PCDHA13: variants seen among roughly 807,000 people sequenced by gnomAD.
PCDHA13 encodes protocadherin alpha 13.
In PCDHA13, 54 loss-of-function variants were observed where a neutral mutation model predicts 64.8. The observed-to-expected ratio is 0.83, with a 90% confidence interval of 0.67 to 1.04. The LOEUF is 1.04. Ranked by LOEUF, PCDHA13 falls within the 50% of genes least tolerant of loss-of-function variation. PCDHA13 has a pLI of 0.00. For synonymous variants in PCDHA13, 587 were observed against 564.4 expected, an observed-to-expected ratio of 1.04 and a Z score of -0.57; for missense variants, 1,248 against 1,254.3, an observed-to-expected ratio of 0.99 and a Z score of 0.08.
chr5:140,961,638 A>G (rs1428621389), intron 1 of PCDHA13, among the ~76,000 whole-genome samples: 1 of 152,200 alleles, frequency 6.6e-6, no homozygotes, highest in Non-Finnish European at 1.5e-5. Flanking sequence ...AACAATCTTA[A>G]GTCTATGTGG....
chr5:141,008,430 GC>G (rs1252417058), intron 3 of PCDHA13, among the ~76,000 whole-genome samples: 2 of 152,260 alleles, frequency 1.3e-5, no homozygotes, highest in African/African-American at 4.8e-5. Context: ...GGATCACTTT[GC>G]CCAGACAGAC....
At chr5:140,982,022 G>T (rs2096962811) in intron 2 of PCDHA13, among the ~76,000 whole-genome samples, 1 of 152,168 alleles carries the variant, frequency 6.6e-6, no homozygotes, top group African/African-American at 2.4e-5. Context: ...AGCCAAATTG[G>T]AACAATACTC....
chr5:140,968,608 T>A, intron 1 of PCDHA13: 1 of 1,614,242 alleles, frequency 6.2e-7, no homozygotes, highest in Non-Finnish European at 8.5e-7. Flanking sequence ...ACTCAGACTC[T>A]GGGCAAAATG....
intron 1 of PCDHA13, among the ~76,000 whole-genome samples, chr5:140,965,161 G>A (rs151157194): frequency 1.5e-4 from 23 of 152,334 alleles, no homozygotes; most frequent in African/African-American, 5.5e-4. Flanking sequence ...GAGAAAGGAC[G>A]TTTTAGTGAG....
chr5:140,895,968 G>T lies in PCDHA13; in HGVS notation c.2394+11306G>T, dbSNP rs190056652. 4.1e-3 allele frequency among the ~76,000 whole-genome samples: 628 copies of T among 152,052 alleles called. 2 individuals are homozygous for T. Among genetic ancestry groups the T allele is most frequent in the Middle Eastern group, 6.8e-3 (2 of 294 alleles). On this transcript the variant is annotated intron_variant, in intron 1 of 3. Coordinates refer to ENST00000289272, the MANE Select transcript of PCDHA13 (RefSeq NM_018904.3). ...TGGGATTACAGGTGCCTGTCACCAG[G>T]CCTAGCTAATTTTTGTATTTTAAGT... is the stretch of plus-strand genomic sequence containing the variant.
At chr5:140,928,034 G>A in intron 1 of PCDHA13, 1 of 1,614,206 alleles carries the variant, frequency 6.2e-7, no homozygotes, top group South Asian at 1.1e-5. Flanking sequence ...GGCATGTCTA[G>A]TGCAGGCCCT....
chr5:140,914,364 A>T lies in PCDHA13; in HGVS notation c.2394+29702A>T, dbSNP rs1256559741. 2.0e-5 allele frequency among the ~76,000 whole-genome samples: 3 copies of T among 152,096 alleles called. No individual in the cohort carries two copies. The East Asian group carries it at 5.8e-4, about 29-fold the overall frequency. On this transcript the variant is annotated intron_variant, in intron 1 of 3. Transcript: ENST00000289272. ...CTCTTTTTGGAGTTTTTGTCTTGAG[A>T]TCTATTTTATCTGTTATAAGTGTAG...
At chr5:140,985,167 G>C (rs905296036) in intron 3 of PCDHA13, among the ~76,000 whole-genome samples, 2 of 152,176 alleles carry the variant, frequency 1.3e-5, no homozygotes, top group Admixed American at 1.3e-4. Context: ...TCAATCTCCT[G>C]ACCTCGTAAT....
chr5:140,927,015 G>A, intron 1 of PCDHA13: 1 of 1,612,466 alleles, frequency 6.2e-7, no homozygotes. Context: ...ATCTCTCCGC[G>A]GACTTGAGGC....
chr5:140,967,401 G>A lies in PCDHA13; in HGVS notation c.2395-11548G>A. On this transcript the variant is annotated intron_variant, in intron 1 of 3. Transcript: ENST00000289272. ...AGTAAAGTGCTTGAGCTGGTGCTGC[G>A]TAAGGGCCTAGACCGGGAGCAGGCA... 3.1e-6 allele frequency: 5 copies of A among 1,611,944 alleles called. No individual in the cohort carries two copies. Among genetic ancestry groups the A allele is most frequent in the East Asian group, 2.2e-5 (1 of 44,806 alleles).
At chr5:140,920,616 C>T (rs929240808) in intron 1 of PCDHA13, among the ~76,000 whole-genome samples, 3 of 152,128 alleles carry the variant, frequency 2.0e-5, no homozygotes, top group Admixed American at 1.3e-4. Context: ...GAGGCCGAGG[C>T]GGATGGATCA....
intron 1 of PCDHA13, among the ~76,000 whole-genome samples, chr5:140,938,718 G>A (rs1186763511): frequency 5.3e-5 from 8 of 151,986 alleles, no homozygotes; most frequent in Non-Finnish European, 1.0e-4. Flanking sequence ...ATAGAAACGC[G>A]TTTCTACAGA....
intron 3 of PCDHA13, among the ~76,000 whole-genome samples, chr5:141,007,512 G>C (rs2098333445): frequency 6.6e-6 from 1 of 152,040 alleles, no homozygotes; most frequent in Admixed American, 6.6e-5. Context: ...AGACTGCAGT[G>C]AGCTGATATC....
chr5:140,926,827 C>G, intron 1 of PCDHA13: 1 of 1,500,674 alleles, frequency 6.7e-7, no homozygotes, highest in Non-Finnish European at 8.9e-7. Context: ...CTCCAGGAGT[C>G]CGGAGCATGG....
chr5:141,000,395 C>CTCTATA (rs1213762225), intron 3 of PCDHA13, among the ~76,000 whole-genome samples: 3 of 53,980 alleles, frequency 5.6e-5, no homozygotes, highest in East Asian at 6.1e-4. Flanking sequence ...CTCTCTCTCT[C>CTCTATA]TATATATATA....
At chr5:140,896,012 T>C (rs1554186792) in intron 1 of PCDHA13, among the ~76,000 whole-genome samples, 3 of 152,162 alleles carry the variant, frequency 2.0e-5, no homozygotes, top group African/African-American at 7.2e-5. Context: ...GGTTTCTCCA[T>C]GTTGGCCAGG....
rs114294981 is a variant in PCDHA13, at chr5:140,997,261, C to T, written c.2543-12366C>T. On this transcript the variant is annotated intron_variant, in intron 3 of 3. Transcript: ENST00000289272. ...CATGTTTACTTTAGGGTTCACTCTT[C>T]CAAATATTTCTTGCATCACTTAACA... Among the ~76,000 whole-genome samples, 265 of 152,266 alleles carry T rather than the reference C, an allele frequency of 1.7e-3. 1 individual carries two copies. The highest frequency in any genetic ancestry group is 6.2e-3 in the African/African-American group (257 of 41,540).
At chr5:141,008,426 C>T (rs2098375902) in intron 3 of PCDHA13, among the ~76,000 whole-genome samples, 1 of 152,170 alleles carries the variant, frequency 6.6e-6, no homozygotes, top group Non-Finnish European at 1.5e-5. Flanking sequence ...ACTGGGATCA[C>T]TTTGCCCAGA....
chr5:140,882,129 T>G lies in PCDHA13; in HGVS notation c.-140T>G. 10 of 1,473,110 alleles carry G rather than the reference T, an allele frequency of 6.8e-6. No homozygotes were observed. The South Asian group carries it at 9.9e-5, about 15-fold the overall frequency. The allele number at this position is 1,473,110 out of a possible 1,614,324, so 91.3% of individuals were successfully genotyped here. On this transcript the variant is annotated 5_prime_UTR_variant, in exon 1 of 4. Transcript: ENST00000289272. ...AAGAAAGCCGCCGTTTCTTTCTTCC[T>G]GCAGAAAATATAGCAGAAAGCGGAA...
Sources: allele counts gnomAD v4.1 joint callset (sites outside exome capture counted in the v4.1 genomes callset), GRCh38; gene constraint gnomAD v4.1.1; transcripts MANE v1.5; gene names NCBI Gene and HGNC (gene_info 2026-07-23, HGNC 2026-07-21).